Variants in ULK4 observed in about 807,000 individuals in gnomAD.
The protein encoded by ULK4 is inactive serine/threonine-protein kinase ULK4.
In ULK4, 133 loss-of-function variants were observed where a neutral mutation model predicts 160.6. That is an observed-to-expected ratio of 0.83 (90% CI 0.72 to 0.96). The LOEUF is 0.96. Ranked by LOEUF, ULK4 falls within the 40% of genes least tolerant of loss-of-function variation. The pLI, the probability that ULK4 is intolerant of heterozygous loss-of-function variation, is 0.00. For missense variants in ULK4, 1,580 were observed against 1,499.5 expected, an observed-to-expected ratio of 1.05 and a Z score of -0.89; for synonymous variants, 534 against 539.8, an observed-to-expected ratio of 0.99 and a Z score of 0.15.
intron 32 of ULK4, among the ~76,000 whole-genome samples, chr3:41,540,234 G>A (rs1208928387): frequency 2.0e-5 from 3 of 151,358 alleles, no homozygotes; most frequent in Non-Finnish European, 4.4e-5. Context: ...ATAGGCCCCA[G>A]TGTGTGATGC....
intron 35 of ULK4, among the ~76,000 whole-genome samples, chr3:41,251,409 C>T (rs1254794160): frequency 6.6e-6 from 1 of 152,196 alleles, no homozygotes; most frequent in Non-Finnish European, 1.5e-5. Context: ...CCTCTGGATG[C>T]AAATCTACAG....
intron 21 of ULK4, among the ~76,000 whole-genome samples, chr3:41,771,312 G>A (rs962041119): frequency 6.6e-6 from 1 of 152,062 alleles, no homozygotes; most frequent in African/African-American, 2.4e-5. Context: ...GTGTATTCTG[G>A]AACTTTCTGT....
chr3:41,572,825 C>A (rs1381089749), intron 31 of ULK4, among the ~76,000 whole-genome samples: 2 of 149,774 alleles, frequency 1.3e-5, no homozygotes, highest in Non-Finnish European at 3.0e-5. Flanking sequence ...TAGACAATTA[C>A]AGGAAACGAA....
At chr3:41,453,244 T>C (rs1359624717) in intron 34 of ULK4, among the ~76,000 whole-genome samples, 5 of 152,154 alleles carry the variant, frequency 3.3e-5, no homozygotes, top group Admixed American at 2.6e-4. Context: ...GGTGTCATCA[T>C]TGCTGGCTGC....
At chr3:41,275,689 A>C (rs1280578217) in intron 35 of ULK4, among the ~76,000 whole-genome samples, 1 of 152,246 alleles carries the variant, frequency 6.6e-6, no homozygotes, top group Non-Finnish European at 1.5e-5. Context: ...ACAAGTTGGC[A>C]TATCCATCAG....
At chr3:41,515,797 G>A (rs1417258677) in intron 32 of ULK4, among the ~76,000 whole-genome samples, 1 of 152,164 alleles carries the variant, frequency 6.6e-6, no homozygotes, top group East Asian at 1.9e-4. Context: ...ACACTTCAAG[G>A]TGAGATTTGG....
chr3:41,658,400 G>A (rs2035020045), intron 30 of ULK4, among the ~76,000 whole-genome samples: 1 of 152,162 alleles, frequency 6.6e-6, no homozygotes, highest in Non-Finnish European at 1.5e-5. Flanking sequence ...CTAATGTACA[G>A]CCAAGTTTGG....
At chr3:41,706,328 T>C (rs57472364) in intron 25 of ULK4, among the ~76,000 whole-genome samples, 5,107 of 147,660 alleles carry the variant, frequency 0.035, 272 homozygotes, top group African/African-American at 0.12. Context: ...AACGGAGTTC[T>C]TGCCACTAAT....
chr3:41,651,213 A>C (rs1251561130), intron 30 of ULK4, among the ~76,000 whole-genome samples: 1 of 152,108 alleles, frequency 6.6e-6, no homozygotes, highest in Non-Finnish European at 1.5e-5. Flanking sequence ...TCTCCTTCTT[A>C]AAGTCCCTGA....
chr3:41,702,434 C>T lies in ULK4; in HGVS notation c.2781+2623G>A, dbSNP rs142604707. ...TGCTGGGATTACAGGCATGAGTCAT[C>T]CCGCCTGGCCCAGACAAATTAATTT... On this transcript the variant is annotated intron_variant, in intron 27 of 36. Transcript: ENST00000301831. 5.6e-4 allele frequency among the ~76,000 whole-genome samples: 85 copies of T among 152,240 alleles called. 1 individual carries two copies. The highest frequency in any genetic ancestry group is 1.8e-3 in the African/African-American group (75 of 41,546).
At chr3:41,428,808 G>A (rs903651084) in intron 34 of ULK4, among the ~76,000 whole-genome samples, 2 of 149,238 alleles carry the variant, frequency 1.3e-5, no homozygotes, top group Non-Finnish European at 3.0e-5. Context: ...AATGCAAAAC[G>A]ATACAAAACC....
chr3:41,864,311 G>A (rs891556703), intron 17 of ULK4, among the ~76,000 whole-genome samples: 9 of 152,096 alleles, frequency 5.9e-5, no homozygotes, highest in Admixed American at 4.6e-4. Context: ...CTGCTGCTAG[G>A]GCGGGGATCA....
chr3:41,557,026 T>C (rs1320363349), intron 32 of ULK4, among the ~76,000 whole-genome samples: 1 of 152,146 alleles, frequency 6.6e-6, no homozygotes, highest in African/African-American at 2.4e-5. Context: ...AAGAACTATG[T>C]ATCATAACTG....
At chr3:41,318,960 A>G (rs780313340) in intron 35 of ULK4, among the ~76,000 whole-genome samples, 50 of 152,244 alleles carry the variant, frequency 3.3e-4, no homozygotes, top group Admixed American at 2.9e-3. Flanking sequence ...ACGGTATGGA[A>G]GAATCAGTAA....
intron 34 of ULK4, among the ~76,000 whole-genome samples, chr3:41,448,118 G>A (rs1355370062): frequency 6.6e-6 from 1 of 152,168 alleles, no homozygotes; most frequent in Non-Finnish European, 1.5e-5. Context: ...GCCCCAAAGT[G>A]AAGCAAACCG....
chr3:41,752,325 G>A (rs2038657959), intron 22 of ULK4, among the ~76,000 whole-genome samples: 1 of 152,162 alleles, frequency 6.6e-6, no homozygotes, highest in South Asian at 2.1e-4. Context: ...AGCAAAGCCA[G>A]CAGTGAGGCC....
chr3:41,317,253 T>G (rs1229766769), intron 35 of ULK4, among the ~76,000 whole-genome samples: 1 of 151,834 alleles, frequency 6.6e-6, no homozygotes, highest in African/African-American at 2.4e-5. Context: ...TTTTTTGTAT[T>G]TTTAGTAGAG....
At chr3:41,558,064 A>C (rs2087370678) in intron 32 of ULK4, among the ~76,000 whole-genome samples, 1 of 152,130 alleles carries the variant, frequency 6.6e-6, no homozygotes, top group African/African-American at 2.4e-5. Flanking sequence ...GTATCTACAA[A>C]ACTTACTTAT....
intron 32 of ULK4, among the ~76,000 whole-genome samples, chr3:41,478,414 C>T (rs116149200): frequency 0.011 from 1,690 of 152,290 alleles, 34 homozygotes; most frequent in African/African-American, 0.035. Context: ...GAAAATTTTG[C>T]ATATTAGAGT....
Sources: gnomAD v4.1 joint callset for allele counts (sites outside exome capture counted in the v4.1 genomes callset) on GRCh38, gnomAD v4.1.1 for gene constraint, MANE v1.5 for transcripts, NCBI Gene and HGNC (gene_info 2026-07-23, HGNC 2026-07-21) for gene names.